NAV2: variants seen among roughly 807,000 people sequenced by gnomAD.
NAV2 encodes helicase, APC down-regulated 1.
Under a neutral mutation model 223.2 loss-of-function variants are expected in NAV2, and 54 were observed. The observed-to-expected ratio is 0.24, with a 90% CI of 0.19 to 0.30. NAV2 has a LOEUF of 0.30. Ranked by LOEUF, NAV2 falls within the 10% of genes least tolerant of loss-of-function variation. The pLI is 1.00. For synonymous variants in NAV2, 1,279 were observed against 1,239.3 expected (o/e 1.03, Z -0.67); for missense variants, 2,806 against 3,147.5 (o/e 0.89, Z 2.60).
intron 1 of NAV2, among the ~76,000 whole-genome samples, chr11:19,744,285 T>A (rs1431014070): frequency 1.3e-5 from 2 of 152,204 alleles, no homozygotes; most frequent in African/African-American, 4.8e-5. Flanking sequence ...AGGCCTTCAC[T>A]GTGCAGAGTA....
At chr11:19,893,215 G>A (rs2041664056) in intron 6 of NAV2, among the ~76,000 whole-genome samples, 1 of 151,934 alleles carries the variant, frequency 6.6e-6, no homozygotes, top group South Asian at 2.1e-4. Context: ...GTCCCATGGG[G>A]GTGCTGCCCA....
At chr11:19,481,281 G>A (rs777521786) in intron 1 of NAV2, among the ~76,000 whole-genome samples, 14 of 152,092 alleles carry the variant, frequency 9.2e-5, no homozygotes, top group Non-Finnish European at 1.9e-4. Context: ...CCCAGGCCTG[G>A]GCTTATGAAC....
At chr11:19,467,026 G>GAGAGAGAGAGAGATAGAT (rs1554941029) in intron 1 of NAV2, among the ~76,000 whole-genome samples, 44 of 112,594 alleles carry the variant, frequency 3.9e-4, no homozygotes, top group African/African-American at 1.2e-3. Context: ...CACAGAGAGA[G>GAGAGAGAGAGAGATAGAT]AGAGAGAGAG....
chr11:19,412,692 G>A (rs568860537), intron 1 of NAV2, among the ~76,000 whole-genome samples: 1 of 152,164 alleles, frequency 6.6e-6, no homozygotes, highest in African/African-American at 2.4e-5. Context: ...GGCATCTGGC[G>A]AGTGCCCCTC....
At chr11:19,408,739 A>T (rs1207077052) in intron 1 of NAV2, among the ~76,000 whole-genome samples, 1 of 152,166 alleles carries the variant, frequency 6.6e-6, no homozygotes, top group African/African-American at 2.4e-5. Flanking sequence ...ATTCTGCCCA[A>T]GGTCACTGCC....
chr11:19,710,930 C>T (rs949052144), upstream of NAV2: 1 of 152,218 alleles, frequency 6.6e-6, no homozygotes, highest in Non-Finnish European at 1.5e-5. Flanking sequence ...AGTTAAAACA[C>T]AGCTCCTAAT....
intron 1 of NAV2, among the ~76,000 whole-genome samples, chr11:19,508,552 C>G (rs1414817042): frequency 2.6e-5 from 4 of 152,136 alleles, no homozygotes; most frequent in African/African-American, 9.7e-5. Flanking sequence ...TGGGCGAGTT[C>G]CTAATCACCT....
chr11:19,674,975 A>T (rs1286549435), intron 1 of NAV2, among the ~76,000 whole-genome samples: 1 of 152,204 alleles, frequency 6.6e-6, no homozygotes, highest in African/African-American at 2.4e-5. Context: ...CCATGCAAAG[A>T]GCTCAGTAAG....
chr11:19,490,354 CA>C (rs1422520975), intron 1 of NAV2, among the ~76,000 whole-genome samples: 1 of 152,218 alleles, frequency 6.6e-6, no homozygotes, highest in African/African-American at 2.4e-5. Context: ...ATTTTACCCA[CA>C]GTAGAAATTA....
intron 3 of NAV2, among the ~76,000 whole-genome samples, chr11:19,860,914 G>A (rs61877270): frequency 2.0e-5 from 3 of 151,924 alleles, no homozygotes; most frequent in South Asian, 4.2e-4. Context: ...GCCTGCAATC[G>A]CAGGCACTCG....
intron 6 of NAV2, among the ~76,000 whole-genome samples, chr11:19,923,471 T>A (rs2044459000): frequency 6.6e-6 from 1 of 152,138 alleles, no homozygotes; most frequent in Non-Finnish European, 1.5e-5. Flanking sequence ...TCTTTTACTG[T>A]CTATTTATAT....
chr11:19,420,741 A>G (rs1850577566), intron 1 of NAV2, among the ~76,000 whole-genome samples: 1 of 152,204 alleles, frequency 6.6e-6, no homozygotes, highest in African/African-American at 2.4e-5. Flanking sequence ...CCTTGGAGCA[A>G]GAGCGTGACC....
intron 1 of NAV2, among the ~76,000 whole-genome samples, chr11:19,384,384 C>A (rs1848956341): frequency 1.3e-5 from 2 of 152,144 alleles, no homozygotes; most frequent in South Asian, 4.1e-4. Context: ...TAGCTGTGAC[C>A]TTGAACATCC....
chr11:19,808,524 T>C (rs2058693427), intron 1 of NAV2, among the ~76,000 whole-genome samples: 1 of 152,196 alleles, frequency 6.6e-6, no homozygotes, highest in Non-Finnish European at 1.5e-5. Flanking sequence ...TGTCACTTTA[T>C]TTTTTCTTTT....
intron 1 of NAV2, among the ~76,000 whole-genome samples, chr11:19,546,729 T>C (rs1019069981): frequency 1.3e-5 from 2 of 152,200 alleles, no homozygotes; most frequent in Admixed American, 1.3e-4. Flanking sequence ...TCCCTAAAAG[T>C]AAATGTAACC....
intron 3 of NAV2, among the ~76,000 whole-genome samples, chr11:19,862,848 C>A (rs1014908706): frequency 6.6e-6 from 1 of 152,196 alleles, no homozygotes; most frequent in Non-Finnish European, 1.5e-5. Context: ...GATAACACTA[C>A]AAGACAGACA....
At chr11:19,770,541 T>C (rs1160139619) in intron 1 of NAV2, among the ~76,000 whole-genome samples, 3 of 152,172 alleles carry the variant, frequency 2.0e-5, no homozygotes, top group Non-Finnish European at 4.4e-5. Context: ...CCCCGGATGT[T>C]GAACAGAGCA....
chr11:19,461,287 C>T (rs764386053), intron 1 of NAV2, among the ~76,000 whole-genome samples: 7 of 152,174 alleles, frequency 4.6e-5, no homozygotes, highest in East Asian at 3.8e-4. Flanking sequence ...ATTGCCAACA[C>T]TCCTCCACAG....
At chr11:19,582,462 T>C (rs1303653441) in intron 1 of NAV2, among the ~76,000 whole-genome samples, 1 of 152,206 alleles carries the variant, frequency 6.6e-6, no homozygotes, top group Non-Finnish European at 1.5e-5. Flanking sequence ...CTGAATGGTA[T>C]TGCCTAGGTT....
Sources: gnomAD v4.1 joint callset for allele counts (sites outside exome capture counted in the v4.1 genomes callset) on GRCh38, gnomAD v4.1.1 for gene constraint, MANE v1.5 for transcripts, NCBI Gene and HGNC (gene_info 2026-07-23, HGNC 2026-07-21) for gene names.